Variants in CSMD1 observed in about 807,000 individuals in gnomAD.
The protein encoded by CSMD1 is CUB and sushi domain-containing protein 1.
A neutral mutation model predicts 417.5 loss-of-function variants in CSMD1; 213 were observed. The ratio of observed to expected loss-of-function variants is 0.51; its 90% confidence interval spans 0.46 to 0.57. CSMD1 has a LOEUF of 0.57. Among genes scored for constraint, CSMD1 ranks in the 20% least tolerant of loss-of-function variants. The pLI, the probability that CSMD1 is intolerant of heterozygous loss-of-function variation, is 0.00. For synonymous variants in CSMD1, 2,862 were observed against 1,736.8 expected (o/e 1.65, Z -16.11); for missense variants, 6,923 against 4,529.7 (o/e 1.53, Z -15.17).
chr8:4,437,913 C>T (rs543342482), intron 2 of CSMD1, among the ~76,000 whole-genome samples: 1 of 152,280 alleles, frequency 6.6e-6, no homozygotes, highest in Admixed American at 6.5e-5. Context: ...GGCTCTCAGG[C>T]TTGGACATCA....
intron 1 of CSMD1, among the ~76,000 whole-genome samples, chr8:4,773,429 C>A (rs994927571): frequency 5.9e-5 from 9 of 152,122 alleles, no homozygotes; most frequent in Non-Finnish European, 1.2e-4. Context: ...ACTAACGTAT[C>A]GCTGTTTGGG....
intron 3 of CSMD1, among the ~76,000 whole-genome samples, chr8:4,295,464 CTTA>C (rs1400119111): frequency 3.5e-5 from 5 of 142,442 alleles, no homozygotes; most frequent in Admixed American, 7.2e-5. Context: ...CACATATAAT[CTTA>C]TTATACACAT....
intron 7 of CSMD1, among the ~76,000 whole-genome samples, chr8:3,623,215 G>A (rs1161075866): frequency 2.0e-5 from 3 of 152,170 alleles, no homozygotes; most frequent in African/African-American, 4.8e-5. Flanking sequence ...CTTTTTCAAA[G>A]CATGTTGATT....
chr8:4,962,645 A>G (rs563602561), intron 1 of CSMD1, among the ~76,000 whole-genome samples: 19 of 152,150 alleles, frequency 1.2e-4, no homozygotes, highest in Non-Finnish European at 2.2e-4. Context: ...CCATCACTTC[A>G]ATTTATTCAG....
At chr8:4,434,144 C>G (rs927536936) in intron 2 of CSMD1, among the ~76,000 whole-genome samples, 4 of 152,154 alleles carry the variant, frequency 2.6e-5, no homozygotes, top group African/African-American at 9.7e-5. Flanking sequence ...TTGAGAACAG[C>G]TTGGCCAACA....
intron 1 of CSMD1, among the ~76,000 whole-genome samples, chr8:4,990,426 C>T (rs912638352): frequency 6.6e-6 from 1 of 151,838 alleles, no homozygotes; most frequent in South Asian, 2.1e-4. Flanking sequence ...TGCAATGGCA[C>T]GATCTCAGCC....
At chr8:4,534,853 C>T (rs892020653) in intron 2 of CSMD1, among the ~76,000 whole-genome samples, 2 of 152,128 alleles carry the variant, frequency 1.3e-5, no homozygotes, top group African/African-American at 4.8e-5. Context: ...AGCTCCGCCT[C>T]CCGGGTTCAT....
intron 6 of CSMD1, among the ~76,000 whole-genome samples, chr8:3,711,444 C>G (rs1317303412): frequency 3.3e-5 from 5 of 152,148 alleles, no homozygotes; most frequent in African/African-American, 1.2e-4. Context: ...CTCACAACGT[C>G]CAGCCCAGGT....
At chr8:3,562,933 C>G (rs1035682536) in intron 10 of CSMD1, among the ~76,000 whole-genome samples, 2 of 151,360 alleles carry the variant, frequency 1.3e-5, no homozygotes, top group Non-Finnish European at 2.9e-5. Flanking sequence ...AAAAAAAAAA[C>G]CAAACCATCC....
intron 3 of CSMD1, among the ~76,000 whole-genome samples, chr8:4,126,121 A>T (rs1270920130): frequency 6.6e-6 from 1 of 151,948 alleles, no homozygotes; most frequent in Non-Finnish European, 1.5e-5. Context: ...ACCCCCTGTG[A>T]TTTCATCTTC....
At chr8:4,095,792 T>A (rs1055405727) in intron 3 of CSMD1, among the ~76,000 whole-genome samples, 4 of 152,266 alleles carry the variant, frequency 2.6e-5, no homozygotes, top group Non-Finnish European at 5.9e-5. Flanking sequence ...AGGTTTTATA[T>A]ATGTATTTGT....
chr8:3,147,313 T>C (rs1818904697), intron 40 of CSMD1, among the ~76,000 whole-genome samples: 1 of 152,248 alleles, frequency 6.6e-6, no homozygotes. Flanking sequence ...TCCCAAAATC[T>C]CATGATTTCT....
intron 4 of CSMD1, among the ~76,000 whole-genome samples, chr8:4,028,230 G>T (rs554721528): frequency 3.9e-5 from 6 of 152,106 alleles, no homozygotes; most frequent in Non-Finnish European, 4.4e-5. Flanking sequence ...ATTCAAATAC[G>T]ATTAATCCCA....
intron 3 of CSMD1, among the ~76,000 whole-genome samples, chr8:4,148,687 G>C (rs1397357741): frequency 6.6e-6 from 1 of 152,058 alleles, no homozygotes; most frequent in Non-Finnish European, 1.5e-5. Flanking sequence ...GTCTCTTCTA[G>C]TAAGGGCACT....
chr8:3,484,985 G>A (rs1245463086), intron 11 of CSMD1, among the ~76,000 whole-genome samples: 1 of 152,170 alleles, frequency 6.6e-6, no homozygotes. Context: ...GGAGAACCAT[G>A]CTGGAAAACA....
chr8:3,288,867 G>T (rs1384897635), intron 25 of CSMD1, among the ~76,000 whole-genome samples: 1 of 146,386 alleles, frequency 6.8e-6, no homozygotes, highest in Non-Finnish European at 1.5e-5. Context: ...GGGTACATGT[G>T]CACAACCTAC....
rs1304441564 is a variant in CSMD1 at position 3,997,592 on chromosome 8, C to A, written c.818+311G>T. ...CTAAAAATCTCTGCTCACAGTGAAA[C>A]AGCTTCAGACCAAACCCAAAACTAA... On this transcript the variant is annotated intron_variant, in intron 5 of 69. Coordinates refer to ENST00000635120, the MANE Select transcript of CSMD1 (RefSeq NM_033225.6). Among the ~76,000 whole-genome samples the A allele has an allele frequency of 3.3e-5, 5 of 152,198 alleles. 1 individual carries two copies. Among genetic ancestry groups the A allele is most frequent in the African/African-American group, 1.2e-4 (5 of 41,444 alleles).
chr8:4,855,452 G>A (rs998176045), intron 1 of CSMD1, among the ~76,000 whole-genome samples: 5 of 152,240 alleles, frequency 3.3e-5, no homozygotes, highest in East Asian at 1.9e-4. Context: ...GGCTTCAGAC[G>A]ATCAAATTAC....
intron 3 of CSMD1, among the ~76,000 whole-genome samples, chr8:4,160,061 C>T (rs1193684449): frequency 6.6e-6 from 1 of 151,224 alleles, no homozygotes; most frequent in African/African-American, 2.4e-5. Flanking sequence ...CCAAATACCA[C>T]CTGTTCTCCA....
Sources: gnomAD v4.1 joint callset for allele counts (sites outside exome capture counted in the v4.1 genomes callset) on GRCh38, gnomAD v4.1.1 for gene constraint, MANE v1.5 for transcripts, NCBI Gene and HGNC (gene_info 2026-07-23, HGNC 2026-07-21) for gene names.